The following ZNF420 variants were observed in gnomAD, a reference collection of about 807,000 sequenced individuals.
ZNF420 encodes zinc finger protein 420, also known as ATM and p53-associated KZNF protein.
Under a neutral mutation model 44.7 loss-of-function variants are expected in ZNF420, and 31 were observed. That is an observed-to-expected ratio of 0.69 (90% CI 0.52 to 0.94). ZNF420 has a LOEUF of 0.94. ZNF420 is among the 40% of genes least tolerant of loss of function. The probability of loss-of-function intolerance (pLI) is 0.00; values close to 1 mark genes in which losing one functional copy is unlikely to be tolerated. For missense variants in ZNF420, 681 were observed against 827.9 expected, an observed-to-expected ratio of 0.82 and a Z score of 2.18; for synonymous variants, 245 against 267.4, an observed-to-expected ratio of 0.92 and a Z score of 0.82.
chr19:37,072,116 C>T (rs557236047), intron 1 of ZNF420, among the ~76,000 whole-genome samples: 15 of 152,286 alleles, frequency 9.8e-5, no homozygotes, highest in Admixed American at 8.5e-4. Context: ...TTTCATTCTA[C>T]CTGATTCTTC....
intron 1 of ZNF420, among the ~76,000 whole-genome samples, chr19:37,019,014 C>T (rs1311540005): frequency 1.3e-5 from 2 of 151,768 alleles, no homozygotes; most frequent in African/African-American, 4.8e-5. Context: ...AAAAAACAGA[C>T]AAGTTGAAAT....
chr19:37,105,990 G>T (rs7257633), intron 4 of ZNF420, among the ~76,000 whole-genome samples: 1 of 151,920 alleles, frequency 6.6e-6, no homozygotes, highest in African/African-American at 2.4e-5. Context: ...GGGACAATTT[G>T]ACTTCCTCTT....
intron 4 of ZNF420, among the ~76,000 whole-genome samples, chr19:37,098,812 C>T (rs1300407125): frequency 6.6e-6 from 1 of 152,162 alleles, no homozygotes; most frequent in East Asian, 1.9e-4. Context: ...CTAACTATAA[C>T]TTTGTACCCA....
rs1970224483 is a variant in ZNF420 at position 37,108,640 on chromosome 19, T to TG, written c.136+17521dup. 2.0e-5 allele frequency among the ~76,000 whole-genome samples: 3 copies of TG among 152,340 alleles called. No homozygotes were observed. In the East Asian group the frequency reaches 5.8e-4, roughly 29 times the overall value. On this transcript the variant is annotated intron_variant, in intron 4 of 4. Coordinates refer to ENST00000337995, the MANE Select transcript of ZNF420 (RefSeq NM_144689.5). ...AGGCCACAGTAAGCCTCCATAATTCTGGATGTTCAGGACCAGAAACAGGAC... is the reference window on the plus strand; with the variant it reads ...AGGCCACAGTAAGCCTCCATAATTCTGGGATGTTCAGGACCAGAAACAGGAC...
chr19:37,083,826 T>A (rs543271832), intron 2 of ZNF420, among the ~76,000 whole-genome samples: 11 of 152,300 alleles, frequency 7.2e-5, no homozygotes, highest in African/African-American at 2.4e-4. Context: ...ACAAGGATAG[T>A]AGGAACTCTC....
intron 1 of ZNF420, among the ~76,000 whole-genome samples, chr19:37,046,548 A>C (rs923203048): frequency 1.2e-4 from 18 of 152,202 alleles, no homozygotes; most frequent in African/African-American, 4.3e-4. Context: ...CAATTTTTTT[A>C]AAGGAATGGA....
chr19:37,076,680 A>T (rs1393674375), upstream of ZNF420, among the ~76,000 whole-genome samples: 1 of 152,140 alleles, frequency 6.6e-6, no homozygotes, highest in Non-Finnish European at 1.5e-5. Context: ...AGCTTTATCC[A>T]TGTCCCTATA....
chr19:37,039,454 G>A (rs955442834), intron 1 of ZNF420, among the ~76,000 whole-genome samples: 2 of 152,200 alleles, frequency 1.3e-5, no homozygotes, highest in Non-Finnish European at 2.9e-5. Context: ...GACCAGGTAT[G>A]TTGTCAATAA....
At chr19:37,122,045 G>T (rs1971075373) in intron 4 of ZNF420, among the ~76,000 whole-genome samples, 1 of 152,232 alleles carries the variant, frequency 6.6e-6, no homozygotes. Flanking sequence ...CATTGTGGAA[G>T]TCAGTGTGGT....
chr19:37,092,087 C>T (rs1015401519), intron 4 of ZNF420: 5 of 152,142 alleles, frequency 3.3e-5, no homozygotes, highest in African/African-American at 1.2e-4. Context: ...GTATCAATTA[C>T]AACTTTAATA....
intron 1 of ZNF420, among the ~76,000 whole-genome samples, chr19:37,056,793 TGGC>T (rs1967761852): frequency 6.6e-6 from 1 of 152,214 alleles, no homozygotes. Context: ...CGGTAGGAGT[TGGC>T]TCAAGGAGGT....
intron 1 of ZNF420, among the ~76,000 whole-genome samples, chr19:37,059,920 T>C (rs1967842544): frequency 6.6e-6 from 1 of 152,096 alleles, no homozygotes; most frequent in East Asian, 1.9e-4. Context: ...TGTCTGTATG[T>C]GTGTGTGCCC....
At chr19:37,024,471 A>G (rs2146388124) in intron 1 of ZNF420, among the ~76,000 whole-genome samples, 1 of 152,158 alleles carries the variant, frequency 6.6e-6, no homozygotes, top group East Asian at 1.9e-4. Flanking sequence ...TTTTTTTGAG[A>G]CAGAGTCTCA....
At chr19:37,117,723 A>C (rs1970777140) in intron 4 of ZNF420, among the ~76,000 whole-genome samples, 1 of 152,202 alleles carries the variant, frequency 6.6e-6, no homozygotes, top group African/African-American at 2.4e-5. Flanking sequence ...AAAAACTTTG[A>C]AATAAAAATT....
chr19:37,114,307 G>A (rs566181596), intron 4 of ZNF420, among the ~76,000 whole-genome samples: 5 of 152,068 alleles, frequency 3.3e-5, no homozygotes, highest in Admixed American at 1.3e-4. Context: ...TTCTGGGGGC[G>A]GCTGATCCTG....
intron 4 of ZNF420, among the ~76,000 whole-genome samples, chr19:37,103,967 ATTTTTTTTTTGTCT>A (rs1393287706): frequency 9.7e-5 from 14 of 144,272 alleles, no homozygotes; most frequent in African/African-American, 3.6e-4. Context: ...CTCTTCTCTC[ATTTTTTTTTTGTCT>A]TTTTTTTTTT....
At chr19:37,105,986 A>G (rs1424400017) in intron 4 of ZNF420, among the ~76,000 whole-genome samples, 1 of 152,162 alleles carries the variant, frequency 6.6e-6, no homozygotes, top group East Asian at 1.9e-4. Context: ...AACAGGGACA[A>G]TTTGACTTCC....
chr19:37,067,586 C>T (rs1967988872), intron 1 of ZNF420, among the ~76,000 whole-genome samples: 1 of 152,116 alleles, frequency 6.6e-6, no homozygotes, highest in East Asian at 1.9e-4. Context: ...GGTGAAAATA[C>T]AAAACTATCA....
At chr19:37,041,365 T>G (rs2054381869) in intron 1 of ZNF420, among the ~76,000 whole-genome samples, 1 of 152,152 alleles carries the variant, frequency 6.6e-6, no homozygotes, top group Non-Finnish European at 1.5e-5. Context: ...TACCCAATTT[T>G]GCTTTAATCT....
Sources: allele counts gnomAD v4.1 joint callset (sites outside exome capture counted in the v4.1 genomes callset), GRCh38; gene constraint gnomAD v4.1.1; transcripts MANE v1.5; gene names NCBI Gene and HGNC (gene_info 2026-07-23, HGNC 2026-07-21).